The following CALN1 variants were observed in gnomAD, a reference collection of about 807,000 sequenced individuals.
CALN1 encodes the protein calneuron 1.
CALN1 carries 17 observed loss-of-function variants against 30.6 expected under a neutral mutation model. That is an observed-to-expected ratio of 0.56 (90% confidence interval 0.38 to 0.83). The LOEUF is 0.83. Among genes scored for constraint, CALN1 ranks in the 40% least tolerant of loss-of-function variants. The pLI, the probability that CALN1 is intolerant of heterozygous loss-of-function variation, is 0.00. For synonymous variants in CALN1, 156 were observed against 131.4 expected (o/e 1.19, Z -1.28); for missense variants, 291 against 354.9 (o/e 0.82, Z 1.45).
rs147300315 is a variant in CALN1, at chr7:72,212,625, G to T, written c.244+66061C>A. ...AGGCCAGGAACTCAAGACCAGCAGG[G>T]GCAGCAAAGCGAGACTCCATCACTA... On this transcript the variant is annotated intron_variant, in intron 3 of 6. Coordinates refer to ENST00000395275, the MANE Select transcript of CALN1 (RefSeq NM_031468.4). Among the ~76,000 whole-genome samples the T allele has an allele frequency of 5.7e-3, 865 of 152,024 alleles. 5 individuals are homozygous for T. The highest frequency in any genetic ancestry group is 0.019 in the African/African-American group (786 of 41,480).
chr7:71,840,342 G>A (rs1789862544), intron 5 of CALN1, among the ~76,000 whole-genome samples: 1 of 151,754 alleles, frequency 6.6e-6, no homozygotes, highest in East Asian at 1.9e-4. Flanking sequence ...AAAATTAGCC[G>A]AGCACAGTGG....
chr7:72,070,609 A>C (rs752531371), intron 4 of CALN1, among the ~76,000 whole-genome samples: 5 of 152,176 alleles, frequency 3.3e-5, no homozygotes, highest in African/African-American at 9.7e-5. Context: ...CCCTGACTTT[A>C]TTGTGGCTTT....
At chr7:72,311,403 T>C (rs1408253422) in intron 2 of CALN1, among the ~76,000 whole-genome samples, 1 of 152,138 alleles carries the variant, frequency 6.6e-6, no homozygotes, top group East Asian at 1.9e-4. Flanking sequence ...TCAAAAGTTA[T>C]GTGAATTTTT....
chr7:71,934,122 A>G (rs1795704157), intron 5 of CALN1, among the ~76,000 whole-genome samples: 1 of 152,224 alleles, frequency 6.6e-6, no homozygotes, highest in African/African-American at 2.4e-5. Context: ...TTGCCAGACA[A>G]AAGAGGGCTG....
chr7:72,351,674 A>G (rs1163717116), intron 2 of CALN1, among the ~76,000 whole-genome samples: 2 of 152,236 alleles, frequency 1.3e-5, no homozygotes, highest in Admixed American at 1.3e-4. Flanking sequence ...GTTAAACCCC[A>G]GAACACAAAG....
chr7:72,175,356 A>C (rs773679654), intron 3 of CALN1, among the ~76,000 whole-genome samples: 1 of 152,146 alleles, frequency 6.6e-6, no homozygotes, highest in African/African-American at 2.4e-5. Context: ...TATGGGAGTG[A>C]GCCAAATCAT....
At chr7:72,280,704 C>A (rs947278283) in intron 2 of CALN1, among the ~76,000 whole-genome samples, 1 of 152,122 alleles carries the variant, frequency 6.6e-6, no homozygotes, top group African/African-American at 2.4e-5. Context: ...GAATGTCTCC[C>A]CAAAATTTTG....
At chr7:72,164,673 C>T (rs1788390911) in intron 3 of CALN1, among the ~76,000 whole-genome samples, 1 of 152,074 alleles carries the variant, frequency 6.6e-6, no homozygotes, top group Non-Finnish European at 1.5e-5. Context: ...TGAGTATATA[C>T]ATTTTTTGTG....
rs535889860 is a variant in CALN1 at position 72,277,744 on chromosome 7, T to G, written c.244+942A>C. On this transcript the variant is annotated intron_variant, in intron 3 of 6. Transcript: ENST00000395275. ...CAGAGCCAAATGTCCTCCATCTTCC[T>G]TCTGGGAGAAATGAGGCTCCCTAAT... Among the ~76,000 whole-genome samples the G allele has an allele frequency of 3.0e-4, 46 of 152,268 alleles. 1 individual carries two copies. In the South Asian group the frequency reaches 9.3e-3, roughly 31 times the overall value.
At chr7:71,902,961 G>A (rs1457987576) in intron 5 of CALN1, among the ~76,000 whole-genome samples, 2 of 151,794 alleles carry the variant, frequency 1.3e-5, no homozygotes, top group African/African-American at 4.8e-5. Flanking sequence ...AGTAGACATT[G>A]GAAGCTTGGA....
intron 2 of CALN1, among the ~76,000 whole-genome samples, chr7:72,329,617 C>T (rs986189624): frequency 1.3e-5 from 2 of 152,206 alleles, no homozygotes; most frequent in African/African-American, 4.8e-5. Flanking sequence ...CCACTTTATC[C>T]CTTCATGTCA....
chr7:71,831,188 A>C (rs1280322769), intron 5 of CALN1, among the ~76,000 whole-genome samples: 7 of 152,186 alleles, frequency 4.6e-5, no homozygotes, highest in Non-Finnish European at 1.5e-5. Flanking sequence ...TCCTAATGAT[A>C]AAAAGAATAG....
intron 5 of CALN1, among the ~76,000 whole-genome samples, chr7:72,022,778 G>T (rs550744302): frequency 6.6e-6 from 1 of 152,114 alleles, no homozygotes; most frequent in Non-Finnish European, 1.5e-5. Context: ...TATAGCATAT[G>T]TAAGTTCTTA....
chr7:72,219,168 G>A (rs1793077579), intron 3 of CALN1, among the ~76,000 whole-genome samples: 1 of 152,128 alleles, frequency 6.6e-6, no homozygotes, highest in African/African-American at 2.4e-5. Flanking sequence ...GGGCATAGAA[G>A]AGGAAAAATT....
chr7:72,369,421 T>G (rs1338265318), intron 2 of CALN1, among the ~76,000 whole-genome samples: 5 of 151,016 alleles, frequency 3.3e-5, no homozygotes, highest in African/African-American at 1.2e-4. Context: ...TGGAGTGCAG[T>G]GGCAATCCCT....
At chr7:72,318,430 C>T (rs1284870798) in intron 2 of CALN1, among the ~76,000 whole-genome samples, 1 of 152,180 alleles carries the variant, frequency 6.6e-6, no homozygotes, top group Non-Finnish European at 1.5e-5. Flanking sequence ...GCAGAAGAAC[C>T]ACCTTGCAAA....
At chr7:72,231,505 C>T (rs551768603) in intron 3 of CALN1, among the ~76,000 whole-genome samples, 2 of 152,218 alleles carry the variant, frequency 1.3e-5, no homozygotes, top group South Asian at 4.1e-4. Flanking sequence ...GGTATATGTA[C>T]CACATTTTCT....
intron 4 of CALN1, among the ~76,000 whole-genome samples, chr7:72,090,387 T>G (rs993213510): frequency 6.6e-6 from 1 of 152,162 alleles, no homozygotes; most frequent in Non-Finnish European, 1.5e-5. Context: ...TCTATAAAAT[T>G]TATGAAGTAG....
intron 4 of CALN1, among the ~76,000 whole-genome samples, chr7:72,071,131 A>T (rs1804364497): frequency 2.0e-5 from 3 of 152,216 alleles, no homozygotes; most frequent in Admixed American, 1.3e-4. Flanking sequence ...TTCAGCTCTT[A>T]GCACAGTAGC....
Sources: gnomAD v4.1 joint callset for allele counts (sites outside exome capture counted in the v4.1 genomes callset) on GRCh38, gnomAD v4.1.1 for gene constraint, MANE v1.5 for transcripts, NCBI Gene and HGNC (gene_info 2026-07-23, HGNC 2026-07-21) for gene names.